TENM2: variants seen among roughly 807,000 people sequenced by gnomAD.
TENM2 encodes the protein teneurin transmembrane protein 2.
Under a neutral mutation model 245.2 loss-of-function variants are expected in TENM2, and 52 were observed. The observed-to-expected ratio is 0.21, with a 90% CI of 0.17 to 0.27. The LOEUF is 0.27. Among genes scored for constraint, TENM2 ranks in the 10% least tolerant of loss-of-function variants. The probability of loss-of-function intolerance (pLI) is 1.00; values close to 1 mark genes in which losing one functional copy is unlikely to be tolerated. For missense variants in TENM2, 3,046 were observed against 3,666.8 expected (o/e 0.83, Z 4.37); for synonymous variants, 1,363 against 1,438.9 (o/e 0.95, Z 1.19).
chr5:167,197,523 A>G, the TENM2 span, among the ~76,000 whole-genome samples: 4 of 152,108 alleles, frequency 2.6e-5, no homozygotes, highest in Admixed American at 6.6e-5. Flanking sequence ...AGAACTCAGT[A>G]TATTGATTAT....
intron 2 of TENM2, among the ~76,000 whole-genome samples, chr5:167,455,807 C>T (rs1765885133): frequency 6.6e-6 from 1 of 152,076 alleles, no homozygotes; most frequent in Admixed American, 6.6e-5. Flanking sequence ...ACAGCCACGA[C>T]CTTTTTTCAA....
At chr5:167,298,171 C>T (rs979565315) in intron 1 of TENM2, among the ~76,000 whole-genome samples, 38 of 150,982 alleles carry the variant, frequency 2.5e-4, no homozygotes, top group African/African-American at 6.8e-4. Flanking sequence ...GGGATTGGGG[C>T]GGCGTGGGAA....
At chr5:167,551,668 A>G (rs920596279) in intron 2 of TENM2, among the ~76,000 whole-genome samples, 2 of 152,150 alleles carry the variant, frequency 1.3e-5, no homozygotes, top group Non-Finnish European at 2.9e-5. Context: ...TAAGTTTTGA[A>G]TTATTTAATC....
At chr5:167,507,988 C>A (rs1170349447) in intron 2 of TENM2, among the ~76,000 whole-genome samples, 2 of 151,938 alleles carry the variant, frequency 1.3e-5, no homozygotes, top group Non-Finnish European at 2.9e-5. Context: ...GAAATTACTG[C>A]CCACAGAAAG....
At chr5:167,776,831 G>A (rs926703911) in intron 2 of TENM2, among the ~76,000 whole-genome samples, 2 of 151,892 alleles carry the variant, frequency 1.3e-5, no homozygotes, top group Admixed American at 6.6e-5. Context: ...TTACAAAGAA[G>A]TCTGAATCCT....
intron 12 of TENM2, among the ~76,000 whole-genome samples, chr5:168,150,682 T>G (rs572582490): frequency 2.7e-4 from 41 of 152,290 alleles, no homozygotes; most frequent in African/African-American, 9.9e-4. Context: ...GAAATGAAGT[T>G]AAAAGCAGAA....
At chr5:166,981,535 C>CAGCT in the TENM2 span, among the ~76,000 whole-genome samples, 1 of 152,178 alleles carries the variant, frequency 6.6e-6, no homozygotes, top group Non-Finnish European at 1.5e-5. Context: ...CCATGCTGGG[C>CAGCT]AGCTGTATTA....
intron 12 of TENM2, among the ~76,000 whole-genome samples, chr5:168,156,294 C>T (rs1021579269): frequency 6.3e-5 from 8 of 126,912 alleles, no homozygotes; most frequent in African/African-American, 2.1e-4. Flanking sequence ...CTCAGTTTAA[C>T]TTAGGATGTA....
At chr5:168,079,083 G>A (rs1791739824) in intron 7 of TENM2, among the ~76,000 whole-genome samples, 1 of 152,150 alleles carries the variant, frequency 6.6e-6, no homozygotes, top group African/African-American at 2.4e-5. Context: ...TCTTCCATTT[G>A]TTTGTGTCCT....
At chr5:167,475,268 A>T (rs547063790) in intron 2 of TENM2, among the ~76,000 whole-genome samples, 273 of 152,306 alleles carry the variant, frequency 1.8e-3, no homozygotes, top group Non-Finnish European at 3.2e-3. Context: ...CCTTCCTCAA[A>T]ATTTGGGCTG....
At chr5:168,180,178 C>G (rs925670069) in intron 13 of TENM2, among the ~76,000 whole-genome samples, 1 of 152,134 alleles carries the variant, frequency 6.6e-6, no homozygotes, top group Non-Finnish European at 1.5e-5. Flanking sequence ...GAACAAAGCC[C>G]CCAAACCTAG....
At chr5:167,945,708 C>T (rs1416354857) in intron 3 of TENM2, among the ~76,000 whole-genome samples, 1 of 152,186 alleles carries the variant, frequency 6.6e-6, no homozygotes, top group Non-Finnish European at 1.5e-5. Flanking sequence ...ATGTTTTTCT[C>T]TGAGGTCATA....
chr5:167,400,951 C>G (rs1045657256), intron 2 of TENM2, among the ~76,000 whole-genome samples: 2 of 151,958 alleles, frequency 1.3e-5, no homozygotes, highest in African/African-American at 4.8e-5. Context: ...AAAGGCTGGG[C>G]GTGGTGGCTC....
intron 2 of TENM2, among the ~76,000 whole-genome samples, chr5:167,443,074 T>G (rs989309920): frequency 6.6e-6 from 1 of 152,170 alleles, no homozygotes; most frequent in Non-Finnish European, 1.5e-5. Context: ...TTGATGGGCT[T>G]TGAAAATTGG....
At chr5:167,290,216 TAATG>T (rs1244912947) in intron 1 of TENM2, among the ~76,000 whole-genome samples, 1 of 152,118 alleles carries the variant, frequency 6.6e-6, no homozygotes, top group Non-Finnish European at 1.5e-5. Context: ...GTGAAAAGAG[TAATG>T]AATGAAGACT....
intron 27 of TENM2, 25 bp from the exon 30 acceptor site, chr5:168,260,258 C>A (rs1208343497): frequency 6.2e-7 from 1 of 1,613,072 alleles, no homozygotes; most frequent in African/African-American, 1.3e-5. Context: ...ATTTCAGAAA[C>A]CTTTATTTTT....
intron 2 of TENM2, among the ~76,000 whole-genome samples, chr5:167,709,063 A>G (rs1282697788): frequency 6.6e-6 from 1 of 152,068 alleles, no homozygotes; most frequent in East Asian, 1.9e-4. Context: ...GACTGTCAGC[A>G]TCTAAATCCA....
intron 2 of TENM2, among the ~76,000 whole-genome samples, chr5:167,640,860 C>CATATATATATATATCCAT (rs1779525097): frequency 4.2e-5 from 2 of 47,412 alleles, no homozygotes; most frequent in African/African-American, 8.8e-5. Flanking sequence ...TATATATATC[C>CATATATATATATATCCAT]ATATATATAT....
chr5:167,832,853 T>G (rs1363135663), intron 2 of TENM2, among the ~76,000 whole-genome samples: 3 of 150,064 alleles, frequency 2.0e-5, no homozygotes, highest in African/African-American at 7.2e-5. Context: ...TTCTGTCATA[T>G]TCTTAACTTA....
Sources: gnomAD v4.1 joint callset for allele counts (sites outside exome capture counted in the v4.1 genomes callset) on GRCh38, gnomAD v4.1.1 for gene constraint, MANE v1.5 for transcripts, NCBI Gene and HGNC (gene_info 2026-07-23, HGNC 2026-07-21) for gene names.